Variants in BTBD1 observed in about 807,000 individuals in gnomAD.
The protein encoded by BTBD1 is BTB domain containing 1, also known as BTB/POZ domain-containing protein 1.
In BTBD1, 34 loss-of-function variants were observed where a neutral mutation model predicts 48.0. The ratio of observed to expected loss-of-function variants is 0.71; its 90% CI spans 0.54 to 0.94. BTBD1 has a LOEUF of 0.94. Ranked by LOEUF, BTBD1 falls within the 40% of genes least tolerant of loss-of-function variation. The pLI is 0.00. For missense variants in BTBD1, 543 were observed against 625.6 expected (o/e 0.87, Z 1.41); for synonymous variants, 261 against 242.1 (o/e 1.08, Z -0.72).
At chr15:83,040,342 C>T (rs1402557206) in intron 4 of BTBD1, among the ~76,000 whole-genome samples, 1 of 152,116 alleles carries the variant, frequency 6.6e-6, no homozygotes, top group Non-Finnish European at 1.5e-5. Flanking sequence ...CAGCATCACA[C>T]AATATACACA....
intron 3 of BTBD1, among the ~76,000 whole-genome samples, chr15:83,045,355 C>A (rs1269474032): frequency 6.6e-6 from 1 of 151,982 alleles, no homozygotes; most frequent in Non-Finnish European, 1.5e-5. Flanking sequence ...GTTAGCAGGG[C>A]GTGGTGGCAG....
chr15:83,025,361 A>AAAAAAG (rs2032385319), intron 5 of BTBD1, among the ~76,000 whole-genome samples: 1 of 150,198 alleles, frequency 6.7e-6, no homozygotes, highest in Non-Finnish European at 1.5e-5. Flanking sequence ...CCATCACAAA[A>AAAAAAG]AAAAAAAAAA....
chr15:83,017,948 T>A lies in BTBD1; in HGVS notation c.*119A>T, dbSNP rs112228893. 2.6e-4 allele frequency: 151 copies of A among 584,606 alleles called. No individual in the cohort carries two copies. In the African/African-American group the frequency reaches 2.7e-3, roughly 11 times the overall value. 36.2% of individuals were successfully genotyped at this position (584,606 alleles called of 1,614,324 possible). On this transcript the variant is annotated 3_prime_UTR_variant, in exon 8 of 8. Coordinates refer to ENST00000261721, the MANE Select transcript of BTBD1 (RefSeq NM_025238.4). ...CATTTTTCTATCTGCTCTAAGAAACTGTTTCTTATCTTACAATTTTAAATA... is the reference window on the plus strand; with the variant it reads ...CATTTTTCTATCTGCTCTAAGAAACAGTTTCTTATCTTACAATTTTAAATA...
At chr15:83,041,509 G>A (rs1484705347) in intron 4 of BTBD1, among the ~76,000 whole-genome samples, 2 of 151,988 alleles carry the variant, frequency 1.3e-5, no homozygotes, top group African/African-American at 4.8e-5. Context: ...CTGAGTAGCT[G>A]AGATTACAGG....
intron 3 of BTBD1, chr15:83,044,384 A>C: frequency 1.9e-6 from 3 of 1,541,658 alleles, no homozygotes; most frequent in Non-Finnish European, 2.6e-6. Flanking sequence ...ACAGTTCAGC[A>C]GCTGGGAGGA....
At chr15:83,021,132 A>G (rs1447501858) in intron 5 of BTBD1, among the ~76,000 whole-genome samples, 1 of 152,252 alleles carries the variant, frequency 6.6e-6, no homozygotes, top group Non-Finnish European at 1.5e-5. Flanking sequence ...TTCAACAAAT[A>G]CTTACTAAGG....
chr15:83,020,554 C>T (rs2032274035), intron 6 of BTBD1, 121 bp downstream of exon 6: 2 of 683,724 alleles, frequency 2.9e-6, no homozygotes, highest in Non-Finnish European at 2.5e-6. Flanking sequence ...TACAATGCTA[C>T]TAAGGGGCCT....
chr15:83,056,430 T>G lies in BTBD1; in HGVS notation c.517A>C (p.Lys173Gln), dbSNP rs1438278994. 6.2e-7 allele frequency: 1 copy of G among 1,613,624 alleles called. No homozygotes were observed. Among genetic ancestry groups the G allele is most frequent in the East Asian group, 2.2e-5 (1 of 44,882 alleles). Residue 173 changes from lysine (K) to glutamine (Q), a missense_variant, in exon 2 of 8, where the codon AAA becomes CAA. This residue lies in a region of BTBD1 where 70 missense variants were observed against 111.7 expected (regional missense o/e 0.63). Transcript: ENST00000261721. ...AAGGCATTATCTGCCCTAAGATGTTTGGTGAGAAATTCTACACAGTGTGCT... is the reference window on the plus strand; with the variant it reads ...AAGGCATTATCTGCCCTAAGATGTTGGGTGAGAAATTCTACACAGTGTGCT... ...LEAHCVEFLT[K>Q]HLRADNAFML...
At chr15:83,042,674 G>GC (rs1158087958) in intron 3 of BTBD1, among the ~76,000 whole-genome samples, 1 of 152,078 alleles carries the variant, frequency 6.6e-6, no homozygotes, top group Non-Finnish European at 1.5e-5. Flanking sequence ...GTGAGCCACC[G>GC]CGCCCAGCCA....
intron 6 of BTBD1, chr15:83,020,333 A>G (rs909648037): frequency 4.5e-5 from 8 of 178,844 alleles, no homozygotes; most frequent in Non-Finnish European, 8.1e-5. Context: ...CAGGATGCTC[A>G]CACCAGTTAC....
intron 4 of BTBD1, among the ~76,000 whole-genome samples, chr15:83,037,870 G>A (rs910645963): frequency 2.6e-5 from 4 of 152,160 alleles, no homozygotes; most frequent in Non-Finnish European, 5.9e-5. Flanking sequence ...GATCACCTGA[G>A]GTCAGGAGTT....
chr15:83,067,070 G>A lies in BTBD1; in HGVS notation c.82C>T (p.Pro28Ser), dbSNP rs1157962951. 2 of 1,555,366 alleles carry A rather than the reference G, an allele frequency of 1.3e-6. No individual in the cohort carries two copies. Among genetic ancestry groups the A allele is most frequent in the East Asian group, 5.2e-5 (2 of 38,568 alleles). Reference sequence around the variant, plus strand: ...GGCCCCAGAGAGGACGGTGAGGGCGGCGGCGGCGGCCCCGCGGGGCCCGGC... The same window carrying A: ...GGCCCCAGAGAGGACGGTGAGGGCGACGGCGGCGGCCCCGCGGGGCCCGGC... ...AEPGPAGPPP[P>S]PSPSSLGPLL... Residue 28 changes from proline to serine, a missense_variant, in exon 1 of 8, where the codon CCG becomes TCG. This residue lies in a region of BTBD1 where 173 missense variants were observed against 163.9 expected (regional missense o/e 1.06). Coordinates refer to ENST00000261721, the MANE Select transcript of BTBD1 (RefSeq NM_025238.4).
At chr15:83,025,855 C>T (rs796934627) in intron 5 of BTBD1, among the ~76,000 whole-genome samples, 30 of 152,164 alleles carry the variant, frequency 2.0e-4, no homozygotes, top group African/African-American at 5.8e-4. Flanking sequence ...CTGCCAGCTC[C>T]GCCTCCCGGG....
rs2033083306 is a variant in BTBD1, at chr15:83,056,442, C to A, written c.505G>T (p.Glu169Ter). Residue 169 changes from glutamate to a stop codon, truncating the protein, a stop_gained, in exon 2 of 8, where the codon GAA (glutamate) becomes TAA (stop). Coordinates refer to ENST00000261721, the MANE Select transcript of BTBD1 (RefSeq NM_025238.4). LOFTEE classifies it high-confidence loss of function. ...GCCCTAAGATGTTTGGTGAGAAATT[C>A]TACACAGTGTGCTTCCAAGGCTGGG... is the stretch of plus-strand genomic sequence containing the variant. Reference protein sequence around the residue: ...AVPALEAHCVEFLTKHLRADN... With the variant: ...AVPALEAHCV The A allele has an allele frequency of 6.2e-7, 1 of 1,613,516 alleles. No homozygotes were observed.
intron 5 of BTBD1, among the ~76,000 whole-genome samples, chr15:83,025,883 T>C (rs1163155930): frequency 1.3e-5 from 2 of 152,066 alleles, no homozygotes; most frequent in Admixed American, 6.6e-5. Context: ...AATTCTCCTG[T>C]CTCAGCCTCC....
chr15:83,036,160 GAAA>G (rs35994386), intron 4 of BTBD1, among the ~76,000 whole-genome samples: 1 of 126,812 alleles, frequency 7.9e-6, no homozygotes, highest in Non-Finnish European at 1.6e-5. Context: ...AGCAAGAAAG[GAAA>G]AAAAAAAAAA....
chr15:83,044,049 G>C (rs928128825), intron 3 of BTBD1, among the ~76,000 whole-genome samples: 1 of 152,126 alleles, frequency 6.6e-6, no homozygotes, highest in Admixed American at 6.5e-5. Flanking sequence ...AACAGGGATA[G>C]AGAAAAGAGG....
intron 1 of BTBD1, among the ~76,000 whole-genome samples, chr15:83,065,480 T>A (rs766391348): frequency 2.6e-5 from 4 of 152,254 alleles, no homozygotes; most frequent in Non-Finnish European, 5.9e-5. Context: ...TTGTGTGAAC[T>A]TTACATTCAT....
intron 5 of BTBD1, among the ~76,000 whole-genome samples, chr15:83,027,744 CTA>C (rs1215526885): frequency 6.6e-6 from 1 of 152,230 alleles, no homozygotes; most frequent in African/African-American, 2.4e-5. Context: ...GTAGGACCAA[CTA>C]TATATACTCT....
Sources: gnomAD v4.1 joint callset for allele counts (sites outside exome capture counted in the v4.1 genomes callset) on GRCh38, gnomAD v4.1.1 for gene constraint, gnomAD v4.1.1 regional missense constraint, MANE v1.5 for transcripts, NCBI Gene and HGNC (gene_info 2026-07-23, HGNC 2026-07-21) for gene names.